Variants in MROH9 observed in about 807,000 individuals in gnomAD.
MROH9 encodes maestro heat like repeat family member 9.
A neutral mutation model predicts 98.2 loss-of-function variants in MROH9; 92 were observed. The observed-to-expected ratio is 0.94, with a 90% CI of 0.79 to 1.11. The LOEUF (loss-of-function observed/expected upper bound fraction) is 1.11. Among genes scored for constraint, MROH9 ranks in the 50% most tolerant of loss-of-function variants. The pLI is 0.00. For synonymous variants in MROH9, 397 were observed against 368.9 expected (o/e 1.08, Z -0.87); for missense variants, 1,057 against 1,014.8 (o/e 1.04, Z -0.57).
intron 15 of MROH9, among the ~76,000 whole-genome samples, chr1:171,004,371 G>A (rs564366867): frequency 3.3e-5 from 5 of 152,178 alleles, no homozygotes; most frequent in Admixed American, 2.6e-4. Flanking sequence ...GGATCCCTGT[G>A]GTGCCAAGCA....
chr1:170,990,817 T>A (rs567703883), intron 11 of MROH9, among the ~76,000 whole-genome samples: 1 of 152,306 alleles, frequency 6.6e-6, no homozygotes, highest in Admixed American at 6.5e-5. Context: ...GAAAGTTCTA[T>A]CTATAGATAT....
At chr1:170,968,592 T>C (rs1238512524) in intron 7 of MROH9, among the ~76,000 whole-genome samples, 2 of 151,938 alleles carry the variant, frequency 1.3e-5, no homozygotes, top group Non-Finnish European at 2.9e-5. Flanking sequence ...CTATTAAAGA[T>C]AGAGAGACAG....
At chr1:171,035,499 A>C (rs963704580) in intron 20 of MROH9, among the ~76,000 whole-genome samples, 5 of 152,014 alleles carry the variant, frequency 3.3e-5, no homozygotes, top group African/African-American at 1.2e-4. Context: ...GTTAAAAGGC[A>C]ACCACCAAAT....
chr1:171,022,531 A>T (rs1652553608), intron 17 of MROH9, among the ~76,000 whole-genome samples: 1 of 152,188 alleles, frequency 6.6e-6, no homozygotes, highest in South Asian at 2.1e-4. Flanking sequence ...TCTCACTCAT[A>T]AGTGGGAGTT....
intron 15 of MROH9, among the ~76,000 whole-genome samples, chr1:171,005,863 CT>C (rs1195934966): frequency 6.6e-6 from 1 of 152,044 alleles, no homozygotes; most frequent in Non-Finnish European, 1.5e-5. Flanking sequence ...TGATGTCACC[CT>C]TTACATATTT....
rs11462656 is a variant in MROH9, at chr1:171,011,882, GT to G, written c.1597-2227del. Among the ~76,000 whole-genome samples, 6 of 150,914 alleles carry G rather than the reference GT, an allele frequency of 4.0e-5. No individual in the cohort carries two copies. The South Asian group carries it at 8.4e-4, about 21-fold the overall frequency. On this transcript the variant is annotated intron_variant, in intron 15 of 21. Transcript: ENST00000367759. ...AGGCAATAGGCTTATTAATTCTATT[GT>G]TTTTTTTGTTTCCTAATACAATGAT...
Position 170,958,148 on chromosome 1 carries a change from T to C in MROH9, c.73-313T>C, listed in dbSNP as rs184399434. 6.1e-3 allele frequency among the ~76,000 whole-genome samples: 928 copies of C among 152,198 alleles called. 3 individuals carry two copies. The highest frequency in any genetic ancestry group is 0.01 in the Middle Eastern group (3 of 292). Reference sequence around the variant, plus strand: ...ATAGGTAGACTCCACACTGTGTAGATGGGACTTAATAGTTATAGTGGTGTA... The same window carrying C: ...ATAGGTAGACTCCACACTGTGTAGACGGGACTTAATAGTTATAGTGGTGTA... On this transcript the variant is annotated intron_variant, in intron 3 of 21. Transcript: ENST00000367759.
chr1:170,997,767 A>T (rs1185185936), intron 14 of MROH9, among the ~76,000 whole-genome samples: 1 of 152,120 alleles, frequency 6.6e-6, no homozygotes, highest in Non-Finnish European at 1.5e-5. Context: ...TCGGCGTTAC[A>T]TCATTCAAAG....
chr1:171,023,298 T>C (rs748676841), intron 17 of MROH9, among the ~76,000 whole-genome samples: 5 of 152,204 alleles, frequency 3.3e-5, no homozygotes, highest in Admixed American at 6.5e-5. Flanking sequence ...ATCATTTTTA[T>C]CCAATTACCT....
In MROH9 at chr1:171,025,167, G is replaced by T. The variant is rs1462185508; in HGVS notation, c.2179-151G>T. ...ATGCTAATCAAAGAATGGAAAAAGA[G>T]AGTTGAGTTTGGGAACAAGAGTATA... On this transcript the variant is annotated intron_variant, in intron 19 of 21. Coordinates refer to ENST00000367759, the MANE Select transcript of MROH9 (RefSeq NM_001163629.2). The T allele has an allele frequency of 8.6e-6, 5 of 584,588 alleles. No homozygotes were observed. In the Admixed American group the frequency reaches 1.5e-4, roughly 17 times the overall value. 36.2% of individuals were successfully genotyped at this position (584,588 alleles called of 1,614,324 possible).
chr1:170,983,764 T>A (rs548706826), intron 9 of MROH9, among the ~76,000 whole-genome samples: 1 of 152,294 alleles, frequency 6.6e-6, no homozygotes, highest in Non-Finnish European at 1.5e-5. Flanking sequence ...CTTTACTTAA[T>A]CCTTATAGAA....
intron 20 of MROH9, among the ~76,000 whole-genome samples, chr1:171,057,660 T>C (rs1653888182): frequency 6.6e-6 from 1 of 152,030 alleles, no homozygotes; most frequent in Non-Finnish European, 1.5e-5. Context: ...CCAAGATACA[T>C]AATCATCAGA....
intron 20 of MROH9, among the ~76,000 whole-genome samples, chr1:171,051,252 G>A (rs886301577): frequency 6.6e-6 from 1 of 151,968 alleles, no homozygotes; most frequent in African/African-American, 2.4e-5. Flanking sequence ...ATACCCAAAC[G>A]AGCATAAATC....
At chr1:171,015,441 G>A (rs1652294216) in intron 16 of MROH9, among the ~76,000 whole-genome samples, 1 of 152,084 alleles carries the variant, frequency 6.6e-6, no homozygotes, top group Non-Finnish European at 1.5e-5. Flanking sequence ...AATGGCCTCT[G>A]GCATTGACAT....
chr1:171,002,379 G>GT (rs1238748270), intron 15 of MROH9, among the ~76,000 whole-genome samples: 18 of 152,234 alleles, frequency 1.2e-4, no homozygotes, highest in African/African-American at 4.1e-4. Context: ...AAGAGGTTCT[G>GT]TTTTCATGTG....
chr1:170,985,933 T>C (rs946314089), intron 9 of MROH9, among the ~76,000 whole-genome samples: 72 of 148,182 alleles, frequency 4.9e-4, no homozygotes, highest in African/African-American at 1.7e-3. Context: ...TTGGGTATCC[T>C]CTGTACTTGG....
intron 20 of MROH9, among the ~76,000 whole-genome samples, chr1:171,044,642 T>G (rs1157865453): frequency 6.6e-6 from 1 of 152,162 alleles, no homozygotes; most frequent in African/African-American, 2.4e-5. Context: ...ATCTCATTAC[T>G]TGTTATTGGT....
intron 21 of MROH9, among the ~76,000 whole-genome samples, chr1:171,063,648 A>C (rs1190743421): frequency 6.6e-6 from 1 of 152,214 alleles, no homozygotes; most frequent in African/African-American, 2.4e-5. Flanking sequence ...TAATATAAAC[A>C]TCTTTCTAAG....
intron 15 of MROH9, among the ~76,000 whole-genome samples, chr1:170,999,217 G>A (rs1651698915): frequency 6.6e-6 from 1 of 151,988 alleles, no homozygotes. Flanking sequence ...TTGGTTACAT[G>A]AGTAAATTCT....
Sources: gnomAD v4.1 joint callset for allele counts (sites outside exome capture counted in the v4.1 genomes callset) on GRCh38, gnomAD v4.1.1 for gene constraint, MANE v1.5 for transcripts, NCBI Gene and HGNC (gene_info 2026-07-23, HGNC 2026-07-21) for gene names.